Variants in GPC6 observed in about 807,000 individuals in gnomAD.
GPC6 encodes the protein glypican 6.
A neutral mutation model predicts 55.2 loss-of-function variants in GPC6; 14 were observed. That is an observed-to-expected ratio of 0.25 (90% CI 0.17 to 0.40). The LOEUF is 0.40. GPC6 is among the 10% of genes least tolerant of loss of function. GPC6 has a pLI of 1.00. For missense variants in GPC6, 641 were observed against 708.5 expected (o/e 0.90, Z 1.08); for synonymous variants, 278 against 259.6 (o/e 1.07, Z -0.68).
At chr13:94,141,236 GC>G (rs1451771698) in intron 4 of GPC6, among the ~76,000 whole-genome samples, 1 of 152,184 alleles carries the variant, frequency 6.6e-6, no homozygotes, top group Non-Finnish European at 1.5e-5. Flanking sequence ...TGAAGCGGGG[GC>G]TTATAGGTGG....
chr13:94,329,358 C>T (rs1877291995), intron 6 of GPC6, among the ~76,000 whole-genome samples: 1 of 152,298 alleles, frequency 6.6e-6, no homozygotes, highest in East Asian at 1.9e-4. Flanking sequence ...CTGGGCCCCT[C>T]ACATCTTCCA....
intron 4 of GPC6, among the ~76,000 whole-genome samples, chr13:94,157,199 A>G (rs568215782): frequency 6.6e-6 from 1 of 152,316 alleles, no homozygotes; most frequent in African/African-American, 2.4e-5. Flanking sequence ...ATTCTCATCT[A>G]TAAAAGGGAA....
chr13:94,188,708 C>T (rs998891528), intron 4 of GPC6, among the ~76,000 whole-genome samples: 6 of 152,096 alleles, frequency 3.9e-5, no homozygotes, highest in Non-Finnish European at 4.4e-5. Context: ...GGCTGCTCAC[C>T]TCTGTCCCCT....
intron 4 of GPC6, among the ~76,000 whole-genome samples, chr13:94,038,169 A>G (rs1427962716): frequency 3.3e-5 from 5 of 151,978 alleles, no homozygotes. Flanking sequence ...ATACATATAC[A>G]TTGTGAAGTA....
intron 4 of GPC6, among the ~76,000 whole-genome samples, chr13:94,233,672 G>A (rs1023797879): frequency 2.0e-5 from 3 of 151,992 alleles, no homozygotes; most frequent in Non-Finnish European, 2.9e-5. Context: ...TTTCAGATTC[G>A]TTGTTTTGGT....
At chr13:93,901,942 C>A (rs966016737) in intron 3 of GPC6, among the ~76,000 whole-genome samples, 5 of 146,352 alleles carry the variant, frequency 3.4e-5, no homozygotes, top group Non-Finnish European at 7.5e-5. Flanking sequence ...TTCATTGACA[C>A]ATAATAATTA....
At chr13:93,818,263 G>C (rs946646082) in intron 2 of GPC6, among the ~76,000 whole-genome samples, 23 of 151,600 alleles carry the variant, frequency 1.5e-4, no homozygotes, top group Non-Finnish European at 3.2e-4. Flanking sequence ...TGTGGAACAA[G>C]GTAAATTTTT....
chr13:93,339,022 AC>A (rs1272474609), intron 1 of GPC6, among the ~76,000 whole-genome samples: 26 of 152,098 alleles, frequency 1.7e-4, no homozygotes, highest in Non-Finnish European at 7.4e-5. Context: ...GATGAGAACC[AC>A]TGCTCTAATC....
intron 3 of GPC6, among the ~76,000 whole-genome samples, chr13:93,972,316 A>G (rs1183989595): frequency 6.6e-6 from 1 of 152,194 alleles, no homozygotes; most frequent in Admixed American, 6.5e-5. Flanking sequence ...AATCCTAAGA[A>G]AAAGAATAGG....
chr13:93,978,171 C>A (rs559544733), intron 3 of GPC6, among the ~76,000 whole-genome samples: 1 of 152,292 alleles, frequency 6.6e-6, no homozygotes, highest in Non-Finnish European at 1.5e-5. Context: ...CCAAGGAATG[C>A]AGGCAGCTTC....
chr13:94,155,466 C>T (rs545334527), intron 4 of GPC6, among the ~76,000 whole-genome samples: 1 of 152,318 alleles, frequency 6.6e-6, no homozygotes, highest in East Asian at 1.9e-4. Flanking sequence ...CCACCTTTCT[C>T]TCTGCCTCCA....
rs545046037 is a variant in GPC6, at chr13:93,422,606, T to C, written c.161-122657T>C. Among the ~76,000 whole-genome samples the C allele has an allele frequency of 1.1e-4, 17 of 152,276 alleles. 1 individual carries two copies. In the East Asian group the frequency reaches 3.3e-3, roughly 29 times the overall value. On this transcript the variant is annotated intron_variant, in intron 1 of 8. Coordinates refer to ENST00000377047, the MANE Select transcript of GPC6 (RefSeq NM_005708.5). ...CTTTGCGTATATTATTTGAACTTAA[T>C]ATAAGAAGTTTTGAAGATGAGTGAA...
intron 4 of GPC6, among the ~76,000 whole-genome samples, chr13:94,131,652 T>C (rs1230903698): frequency 6.6e-6 from 1 of 152,138 alleles, no homozygotes; most frequent in African/African-American, 2.4e-5. Context: ...GATGACACGA[T>C]AAATAGGGAA....
intron 2 of GPC6, among the ~76,000 whole-genome samples, chr13:93,703,942 A>G (rs184776772): frequency 1.7e-4 from 26 of 152,144 alleles, no homozygotes; most frequent in Admixed American, 3.9e-4. Flanking sequence ...TGGCTTTGTA[A>G]TGATGATAGA....
intron 4 of GPC6, among the ~76,000 whole-genome samples, chr13:94,114,003 C>T (rs1227328873): frequency 1.9e-5 from 2 of 103,490 alleles, no homozygotes; most frequent in Non-Finnish European, 3.6e-5. Flanking sequence ...AGTGACAGAA[C>T]AAGACTCTGT....
Position 93,262,491 on chromosome 13 carries a change from G to A in GPC6, c.160+34875G>A, listed in dbSNP as rs1298933548. Among the ~76,000 whole-genome samples, 9 of 152,238 alleles carry A rather than the reference G, an allele frequency of 5.9e-5. No homozygotes were observed. The East Asian group carries it at 1.7e-3, about 29-fold the overall frequency. ...TTTTCAAAAATTTATTTATGAATTG[G>A]TAACACAGAAATACTCAAGTGATAA... is the stretch of plus-strand genomic sequence containing the variant. On this transcript the variant is annotated intron_variant, in intron 1 of 8. Coordinates refer to ENST00000377047, the MANE Select transcript of GPC6 (RefSeq NM_005708.5).
intron 1 of GPC6, among the ~76,000 whole-genome samples, chr13:93,261,244 A>T (rs1242683855): frequency 1.3e-5 from 2 of 152,168 alleles, no homozygotes; most frequent in Non-Finnish European, 2.9e-5. Context: ...AGAGAAGTCA[A>T]CAATTGCAGA....
chr13:94,179,329 T>G (rs543115933), intron 4 of GPC6, among the ~76,000 whole-genome samples: 17 of 152,274 alleles, frequency 1.1e-4, no homozygotes, highest in African/African-American at 4.1e-4. Context: ...GCATTTACTT[T>G]GAGATAGAGA....
chr13:93,480,901 T>G (rs576920691), intron 1 of GPC6, among the ~76,000 whole-genome samples: 1 of 152,218 alleles, frequency 6.6e-6, no homozygotes, highest in Non-Finnish European at 1.5e-5. Context: ...AATGCTGTTA[T>G]GAACATTTGC....
Sources: allele counts gnomAD v4.1 joint callset (sites outside exome capture counted in the v4.1 genomes callset), GRCh38; gene constraint gnomAD v4.1.1; transcripts MANE v1.5; gene names NCBI Gene and HGNC (gene_info 2026-07-23, HGNC 2026-07-21).